Variants in KCNT1 observed in about 807,000 individuals in gnomAD.
KCNT1 encodes potassium sodium-activated channel subfamily T member 1, also known as potassium channel subfamily T member 1.
KCNT1 carries 78 observed loss-of-function variants against 147.8 expected under a neutral mutation model. The ratio of observed to expected loss-of-function variants is 0.53; its 90% confidence interval spans 0.44 to 0.64. KCNT1 has a LOEUF of 0.64. Ranked by LOEUF, KCNT1 falls within the 30% of genes least tolerant of loss-of-function variation. The pLI is 0.00. For missense variants in KCNT1, 1,419 were observed against 1,750.3 expected (o/e 0.81, Z 3.38); for synonymous variants, 867 against 748.8 (o/e 1.16, Z -2.58).
chr9:135,746,108 T>G (rs572209125), intron 2 of KCNT1, among the ~76,000 whole-genome samples: 2 of 152,344 alleles, frequency 1.3e-5, no homozygotes, highest in Admixed American at 1.3e-4. Context: ...ATCTCCTTTT[T>G]GTGGTGGTGC....
chr9:135,735,065 C>T (rs182287921), intron 2 of KCNT1, among the ~76,000 whole-genome samples: 1 of 152,298 alleles, frequency 6.6e-6, no homozygotes, highest in Non-Finnish European at 1.5e-5. Flanking sequence ...AGGGGGCTTC[C>T]ATCTGCTGGT....
chr9:135,786,447 G>A lies in KCNT1; in HGVS notation c.3428G>A (p.Arg1143His), dbSNP rs1182743416. Residue 1143 changes from arginine to histidine, a missense_variant, in exon 29 of 31, where the codon CGC becomes CAC. This residue lies in a region of KCNT1 where 306 missense variants were observed against 294.2 expected (regional missense o/e 1.04). Coordinates refer to ENST00000371757, the MANE Select transcript of KCNT1 (RefSeq NM_020822.3). ...CAGCAGCGCCTCAGCCTGTACCGGCGCTCTGAGCGCCAGGAGCTCTCCGAG... is the reference window on the plus strand; with the variant it reads ...CAGCAGCGCCTCAGCCTGTACCGGCACTCTGAGCGCCAGGAGCTCTCCGAG... Reference protein sequence around the residue: ...ISQQRLSLYRRSERQELSELV... With the variant: ...ISQQRLSLYRHSERQELSELV... The A allele has an allele frequency of 1.4e-5, 23 of 1,598,664 alleles. No homozygotes were observed. The highest frequency in any genetic ancestry group is 2.3e-5 in the East Asian group (1 of 44,248).
At chr9:135,784,160 T>C in intron 25 of KCNT1, 35 bp downstream of exon 25, 3 of 1,520,614 alleles carry the variant, frequency 2.0e-6, no homozygotes, top group Non-Finnish European at 2.7e-6. Context: ...GGGTGGCGCC[T>C]GGGTGGGACC....
Position 135,752,769 on chromosome 9 carries a change from G to A in KCNT1, c.435-1168G>A, listed in dbSNP as rs1000159725. On this transcript the variant is annotated intron_variant, in intron 4 of 30. Coordinates refer to ENST00000371757, the MANE Select transcript of KCNT1 (RefSeq NM_020822.3). The surrounding 1 kb of genome is among the most constrained non-coding windows in gnomAD (Gnocchi z 5.1). ...GGAATAGATGGATGGAGGGATGAGTGGATGGGTGGATGATGGATGGATGGA... is the reference window on the plus strand; with the variant it reads ...GGAATAGATGGATGGAGGGATGAGTAGATGGGTGGATGATGGATGGATGGA... Among the ~76,000 whole-genome samples the A allele has an allele frequency of 6.6e-6, 1 of 150,916 alleles. No individual in the cohort carries two copies. The highest frequency in any genetic ancestry group is 2.4e-5 in the African/African-American group (1 of 40,976).
intron 24 of KCNT1, among the ~76,000 whole-genome samples, chr9:135,779,932 T>A (rs2131554914): frequency 6.6e-6 from 1 of 152,354 alleles, no homozygotes; most frequent in Non-Finnish European, 1.5e-5. Context: ...TTGAAACAGG[T>A]TCAGTATAAC....
At chr9:135,773,230 G>A (rs941392627) in intron 19 of KCNT1, among the ~76,000 whole-genome samples, 6 of 152,190 alleles carry the variant, frequency 3.9e-5, no homozygotes, top group Non-Finnish European at 7.3e-5. Context: ...AGAGCTAATT[G>A]GAGCGAGGCA....
At chr9:135,749,083 T>A (rs772423699) in intron 2 of KCNT1, among the ~76,000 whole-genome samples, 1 of 152,232 alleles carries the variant, frequency 6.6e-6, no homozygotes, top group Non-Finnish European at 1.5e-5. Flanking sequence ...GTCTTGCTCC[T>A]GTCTGTCCTG....
At chr9:135,725,454 G>T (rs575828) in intron 2 of KCNT1, among the ~76,000 whole-genome samples, 1 of 152,088 alleles carries the variant, frequency 6.6e-6, no homozygotes, top group East Asian at 1.9e-4. Flanking sequence ...GCAGAGATCA[G>T]AGTGACGCTA....
intron 24 of KCNT1, among the ~76,000 whole-genome samples, chr9:135,781,863 G>C (rs192089515): frequency 6.6e-6 from 1 of 152,108 alleles, no homozygotes; most frequent in Middle Eastern, 3.4e-3. Flanking sequence ...CAGGAAGATC[G>C]CTTGAGGCCA....
chr9:135,703,837 C>T (rs752243418), intron 1 of KCNT1, among the ~76,000 whole-genome samples: 1 of 152,232 alleles, frequency 6.6e-6, no homozygotes, highest in African/African-American at 2.4e-5. Context: ...CGGGTCCTTC[C>T]AGACACCTGT....
intron 2 of KCNT1, among the ~76,000 whole-genome samples, chr9:135,745,477 A>G (rs902487441): frequency 6.6e-6 from 1 of 152,186 alleles, no homozygotes; most frequent in Non-Finnish European, 1.5e-5. Flanking sequence ...AGCCACGGTG[A>G]GTCGAAGGCC....
intron 24 of KCNT1, 56 bp from the exon 25 acceptor site, chr9:135,783,968 C>A (rs960043485): frequency 5.8e-6 from 8 of 1,380,652 alleles, no homozygotes; most frequent in Non-Finnish European, 6.1e-6. Context: ...CCGTGGCTGC[C>A]GTGCCACTGG....
At position 135,793,943 on chromosome 9, in the gene KCNT1, C is replaced by G. The variant is rs1304898118; in HGVS notation, c.*1782C>G. ...TCCAAGCAGCGAGCACGCCCTGCCC[C>G]GCAGTCACCCCGCCCCGCAGTCGCC... On this transcript the variant is annotated 3_prime_UTR_variant, in exon 31 of 31. Coordinates refer to ENST00000371757, the MANE Select transcript of KCNT1 (RefSeq NM_020822.3). 1.3e-5 allele frequency: 2 copies of G among 152,670 alleles called. No individual in the cohort carries two copies. Among genetic ancestry groups the G allele is most frequent in the Non-Finnish European group, 1.5e-5 (1 of 68,480 alleles). The allele number at this position is 152,670 out of a possible 1,614,324, so 9.5% of individuals were successfully genotyped here.
At position 135,714,958 on chromosome 9, in the gene KCNT1, C is replaced by T. The variant is rs2131330289; in HGVS notation, c.254+238C>T. Among the ~76,000 whole-genome samples, 1 of 152,326 alleles carries T rather than the reference C, an allele frequency of 6.6e-6. No individual in the cohort carries two copies. The highest frequency in any genetic ancestry group is 6.5e-5 in the Admixed American group (1 of 15,304). ...GGATGCTCGGAGCTGCGGAGTCTTC[C>T]AGAGCCCGACTTGGGGCGCGGAGGC... is the stretch of plus-strand genomic sequence containing the variant. On this transcript the variant is annotated intron_variant, in intron 2 of 30. Coordinates refer to ENST00000371757, the MANE Select transcript of KCNT1 (RefSeq NM_020822.3). The surrounding 1 kb of genome is among the most constrained non-coding windows in gnomAD (Gnocchi z 6.2).
chr9:135,729,397 G>C (rs552387286), intron 2 of KCNT1, among the ~76,000 whole-genome samples: 1 of 152,380 alleles, frequency 6.6e-6, no homozygotes, highest in African/African-American at 2.4e-5. Flanking sequence ...CTGTGCAGGA[G>C]GGGATTCCGC....
At position 135,702,343 on chromosome 9, in the gene KCNT1, T is replaced by G; in HGVS notation, c.85T>G (p.Phe29Val). The G allele has an allele frequency of 6.2e-7, 1 of 1,611,194 alleles. No individual in the cohort carries two copies. Among genetic ancestry groups the G allele is most frequent in the Non-Finnish European group, 8.5e-7 (1 of 1,179,108 alleles). Reference protein sequence around the residue: ...GGGYTNRTFEFDDGQCAPRRP... With the variant: ...GGGYTNRTFEVDDGQCAPRRP... ...GGGCTACACCAACCGGACCTTCGAG[T>G]TTGACGACGGCCAATGCGCCCCCAG... The change falls in exon 1 of 31, where the codon TTT (phenylalanine) becomes GTT (valine). Residue 29 changes from phenylalanine (F) to valine (V), a missense_variant. Around this residue, in one of 5 missense-constraint regions of KCNT1, gnomAD observed 181 missense variants for 155.7 expected, o/e 1.16. Transcript: ENST00000371757.
At position 135,778,955 on chromosome 9, in the gene KCNT1, G is replaced by A. The variant is rs1299073076; in HGVS notation, c.2729+133G>A. 141 of 998,862 alleles carry A rather than the reference G, an allele frequency of 1.4e-4. 2 individuals are homozygous for A. In the African/African-American group the frequency reaches 2.1e-3, roughly 15 times the overall value. 61.9% of individuals were successfully genotyped at this position (998,862 alleles called of 1,614,324 possible). ...CCCACAGCCACGACCACGGGCCCTC[G>A]CCCTGAGACCGCCACAGCCACGACC... On this transcript the variant is annotated intron_variant, in intron 23 of 30. Coordinates refer to ENST00000371757, the MANE Select transcript of KCNT1 (RefSeq NM_020822.3).
chr9:135,778,920 C>T, intron 23 of KCNT1, 98 bp downstream of exon 23: 1 of 1,419,078 alleles, frequency 7.0e-7, no homozygotes, highest in Non-Finnish European at 9.5e-7. Context: ...CGGGCCCTCG[C>T]CCTGAGACCC....
chr9:135,737,132 G>A (rs1177681459), intron 2 of KCNT1: 3 of 161,994 alleles, frequency 1.9e-5, no homozygotes, highest in Admixed American at 6.4e-5. Flanking sequence ...GCGCCACTTT[G>A]GGGGAGACAG....
Sources: gnomAD v4.1 joint callset for allele counts (sites outside exome capture counted in the v4.1 genomes callset) on GRCh38, gnomAD v4.1.1 for gene constraint, gnomAD v4.1.1 regional missense constraint, Gnocchi (gnomAD v3.1) non-coding constraint, MANE v1.5 for transcripts, NCBI Gene and HGNC (gene_info 2026-07-23, HGNC 2026-07-21) for gene names.